The following MGA variants were observed in gnomAD, a reference collection of about 807,000 sequenced individuals.
The protein encoded by MGA is MAX gene-associated protein.
A neutral mutation model predicts 261.1 loss-of-function variants in MGA; 40 were observed. That is an observed-to-expected ratio of 0.15 (90% CI 0.12 to 0.20). MGA has a LOEUF of 0.20. Ranked by LOEUF, MGA falls within the 10% of genes least tolerant of loss-of-function variation. MGA has a pLI of 1.00. For synonymous variants in MGA, 1,302 were observed against 1,290.6 expected (o/e 1.01, Z -0.19); for missense variants, 3,397 against 3,630.5 (o/e 0.94, Z 1.65).
rs1195135595 is a variant in MGA at position 41,729,224 on chromosome 15, C to A, written c.3718C>A (p.Arg1240=). 1.9e-6 allele frequency: 3 copies of A among 1,613,636 alleles called. No individual in the cohort carries two copies. The highest frequency in any genetic ancestry group is 2.5e-6 in the Non-Finnish European group (3 of 1,179,832). ...CTTTGAAAGTATGATGACTTGTGCT[C>A]GAGTTCGAGTATATGAGCGAAAAAA... The change falls in exon 11 of 24, where the codon CGA becomes AGA. Residue 1240 remains arginine, a synonymous_variant. Coordinates refer to ENST00000219905, the MANE Select transcript of MGA (RefSeq NM_001164273.2).
At chr15:41,700,239 G>C (rs1452097362) in intron 5 of MGA, among the ~76,000 whole-genome samples, 1 of 151,354 alleles carries the variant, frequency 6.6e-6, no homozygotes, top group East Asian at 2.0e-4. Context: ...GTAGAGACGG[G>C]GTTTCACTGT....
Position 41,707,907 on chromosome 15 carries a change from TA to T in MGA, c.2320+49del, listed in dbSNP as rs769220931. The T allele has an allele frequency of 1.9e-6, 3 of 1,583,998 alleles. No homozygotes were observed. The South Asian group carries it at 3.5e-5, about 18-fold the overall frequency. ...GTCAAACACTATTTTTCTTGAAGTT[TA>T]CGTTATTTGTAACGTAAGTAAAAAG... On this transcript the variant is annotated intron_variant, in intron 6 of 23. Coordinates refer to ENST00000219905, the MANE Select transcript of MGA (RefSeq NM_001164273.2).
intron 2 of MGA, among the ~76,000 whole-genome samples, chr15:41,675,230 A>G: frequency 6.6e-6 from 1 of 152,240 alleles, no homozygotes; most frequent in East Asian, 1.9e-4. Flanking sequence ...CAAAAGGATC[A>G]TACCAGCTTA....
chr15:41,686,422 T>C (rs1673775343), intron 2 of MGA, among the ~76,000 whole-genome samples: 1 of 152,126 alleles, frequency 6.6e-6, no homozygotes, highest in African/African-American at 2.4e-5. Flanking sequence ...GCCCAGCTAC[T>C]TGAGAGGCTG....
chr15:41,764,859 A>C, intron 22 of MGA, 27 bp from the exon 23 acceptor site: 1 of 1,611,720 alleles, frequency 6.2e-7, no homozygotes, highest in South Asian at 1.1e-5. Flanking sequence ...CCTTTTATCT[A>C]TAACTAATTT....
chr15:41,646,893 C>T (rs1380027118), intron 1 of MGA, among the ~76,000 whole-genome samples: 2 of 152,050 alleles, frequency 1.3e-5, no homozygotes, highest in Non-Finnish European at 2.9e-5. Context: ...TTTACTGAGT[C>T]ACAGTCAGAA....
At chr15:41,708,611 G>A (rs796529166) in intron 7 of MGA, among the ~76,000 whole-genome samples, 8 of 152,288 alleles carry the variant, frequency 5.3e-5, no homozygotes, top group African/African-American at 1.7e-4. Context: ...GAGCTGCCGC[G>A]CCCAAGCCTT....
upstream of MGA, among the ~76,000 whole-genome samples, chr15:41,655,892 C>G (rs17677062): frequency 0.013 from 1,967 of 152,276 alleles, 23 homozygotes; most frequent in Non-Finnish European, 0.02. Context: ...TTTTCCAAAC[C>G]TCACATTGTT....
chr15:41,701,576 G>A (rs548977855), intron 5 of MGA, among the ~76,000 whole-genome samples: 135 of 152,272 alleles, frequency 8.9e-4, no homozygotes, highest in Admixed American at 1.6e-3. Context: ...GTTGGACTCT[G>A]GTCGGGTAGA....
intron 2 of MGA, among the ~76,000 whole-genome samples, chr15:41,670,736 G>C (rs1473780377): frequency 1.3e-5 from 2 of 151,772 alleles, no homozygotes; most frequent in Admixed American, 1.3e-4. Context: ...TCGATCTCCT[G>C]ACCTCATGAT....
Position 41,669,029 on chromosome 15 carries a change from G to A in MGA, c.135G>A (p.Gln45=), listed in dbSNP as rs2057915087. The A allele has an allele frequency of 6.2e-7, 1 of 1,613,610 alleles. No individual in the cohort carries two copies. The highest frequency in any genetic ancestry group is 1.1e-5 in the South Asian group (1 of 91,072). ...ATCAAGGAATTTTGGTTACTAATCA[G>A]GATGCCTGTGCTTTGGCTAGTAGTG... The change falls in exon 2 of 24, where the codon CAG becomes CAA. Residue 45 remains glutamine (Q), a synonymous_variant. Coordinates refer to ENST00000219905, the MANE Select transcript of MGA (RefSeq NM_001164273.2).
At chr15:41,762,460 GGTTTTTTTTTTTT>G (rs2063522106) in intron 22 of MGA, 98 bp downstream of exon 22, 5 of 190,348 alleles carry the variant, frequency 2.6e-5, no homozygotes, top group Admixed American at 2.0e-4. Context: ...AGTTTTGTGT[GGTTTTTTTTTTTT>G]TTTTTTTTTT....
chr15:41,656,416 A>G (rs1317531493), upstream of MGA, among the ~76,000 whole-genome samples: 1 of 133,978 alleles, frequency 7.5e-6, no homozygotes, highest in East Asian at 2.3e-4. Context: ...ATCTTGACTC[A>G]CTGCAACCTC....
chr15:41,684,592 G>C (rs1206127581), intron 2 of MGA: 1 of 297,594 alleles, frequency 3.4e-6, no homozygotes, highest in Non-Finnish European at 6.7e-6. Context: ...AGCAGTTATT[G>C]CAGTAGCAGC....
At chr15:41,678,766 C>CA (rs112308045) in intron 2 of MGA, among the ~76,000 whole-genome samples, 4,647 of 140,250 alleles carry the variant, frequency 0.033, 111 homozygotes, top group Non-Finnish European at 0.047. Flanking sequence ...GACTCCATCT[C>CA]AAAAAAAAAA....
At chr15:41,641,820 T>C (rs1252328799) in intron 1 of MGA, among the ~76,000 whole-genome samples, 1 of 151,204 alleles carries the variant, frequency 6.6e-6, no homozygotes, top group Non-Finnish European at 1.5e-5. Flanking sequence ...GTTTTGAGAC[T>C]GGTCTCACTC....
intron 1 of MGA, among the ~76,000 whole-genome samples, chr15:41,660,741 G>A (rs956117026): frequency 1.3e-5 from 2 of 152,124 alleles, no homozygotes; most frequent in Non-Finnish European, 2.9e-5. Context: ...GCGCGTCCCC[G>A]GCCTCACTTC....
intron 2 of MGA, among the ~76,000 whole-genome samples, chr15:41,676,997 G>T (rs1359188604): frequency 6.6e-6 from 1 of 152,136 alleles, no homozygotes; most frequent in Non-Finnish European, 1.5e-5. Context: ...GACTTACGGG[G>T]ATTATGTTCC....
chr15:41,674,332 A>G (rs774435651), intron 2 of MGA, among the ~76,000 whole-genome samples: 3 of 151,264 alleles, frequency 2.0e-5, no homozygotes, highest in Non-Finnish European at 4.4e-5. Flanking sequence ...GGTAGCTGGG[A>G]TTACAGGTGC....
Sources: allele counts gnomAD v4.1 joint callset (sites outside exome capture counted in the v4.1 genomes callset), GRCh38; gene constraint gnomAD v4.1.1; transcripts MANE v1.5; gene names NCBI Gene and HGNC (gene_info 2026-07-23, HGNC 2026-07-21).